The following PCCA variants were observed in gnomAD, a reference collection of about 807,000 sequenced individuals.
PCCA encodes the protein propionyl-CoA carboxylase subunit alpha.
A neutral mutation model predicts 101.3 loss-of-function variants in PCCA; 74 were observed. That is an observed-to-expected ratio of 0.73 (90% CI 0.61 to 0.89). The LOEUF (loss-of-function observed/expected upper bound fraction) is 0.89, where lower values mean the gene tolerates loss of function less well. PCCA is among the 40% of genes least tolerant of loss of function. The pLI is 0.00. For missense variants in PCCA, 891 were observed against 907.0 expected (o/e 0.98, Z 0.23); for synonymous variants, 294 against 313.6 (o/e 0.94, Z 0.66).
At chr13:100,132,657 C>T (rs1445523927) in intron 4 of PCCA, among the ~76,000 whole-genome samples, 3 of 152,052 alleles carry the variant, frequency 2.0e-5, no homozygotes, top group African/African-American at 7.2e-5. Flanking sequence ...GTATAAATAT[C>T]TAGGAGTGGG....
chr13:100,507,354 C>G (rs1364692165), intron 21 of PCCA, among the ~76,000 whole-genome samples: 3 of 152,200 alleles, frequency 2.0e-5, no homozygotes, highest in Non-Finnish European at 4.4e-5. Context: ...CATGGGCACA[C>G]CTGCACACAT....
At chr13:100,372,344 C>T (rs2075623979) in intron 19 of PCCA, among the ~76,000 whole-genome samples, 1 of 138,508 alleles carries the variant, frequency 7.2e-6, no homozygotes, top group African/African-American at 2.7e-5. Context: ...AGAGTGAGAC[C>T]CTGTCTCAAA....
chr13:100,184,826 A>G (rs997317858), intron 6 of PCCA, among the ~76,000 whole-genome samples: 1 of 152,226 alleles, frequency 6.6e-6, no homozygotes, highest in Non-Finnish European at 1.5e-5. Flanking sequence ...CTTAGCTCAT[A>G]GACTACAAAC....
chr13:100,411,726 T>C (rs138903631), intron 19 of PCCA, among the ~76,000 whole-genome samples: 1 of 152,310 alleles, frequency 6.6e-6, no homozygotes, highest in East Asian at 1.9e-4. Context: ...TGGCCATCTT[T>C]CTTGCTGTGT....
At position 100,322,384 on chromosome 13, in the gene PCCA, G is replaced by C. The variant is rs182421997; in HGVS notation, c.1430-8177G>C. 6.8e-4 allele frequency among the ~76,000 whole-genome samples: 104 copies of C among 152,176 alleles called. 1 individual carries two copies. The highest frequency in any genetic ancestry group is 2.4e-3 in the African/African-American group (98 of 41,510). ...TCTGTGTCTGGGTGTCTTTTGCTCA[G>C]CTAAAATTCTATTACTATGGAAAAA... On this transcript the variant is annotated intron_variant, in intron 16 of 23. Transcript: ENST00000376285.
chr13:100,448,682 TATAA>T (rs1194612692), intron 20 of PCCA, among the ~76,000 whole-genome samples: 32 of 152,260 alleles, frequency 2.1e-4, no homozygotes, highest in Admixed American at 2.0e-3. Context: ...AAATTTTATT[TATAA>T]ATAAATGAAT....
At chr13:100,464,607 T>G (rs1357004330) in intron 21 of PCCA, 3 of 152,208 alleles carry the variant, frequency 2.0e-5, no homozygotes, top group African/African-American at 7.2e-5. Context: ...TTGTTCCCTT[T>G]TATTTGAAAA....
At chr13:100,508,378 C>A (rs988736821) in intron 21 of PCCA, among the ~76,000 whole-genome samples, 1 of 152,206 alleles carries the variant, frequency 6.6e-6, no homozygotes, top group Non-Finnish European at 1.5e-5. Flanking sequence ...TGCCGTTGAG[C>A]CTCCTTGTGG....
intron 22 of PCCA, among the ~76,000 whole-genome samples, chr13:100,521,064 G>A (rs2087245651): frequency 6.6e-6 from 1 of 152,164 alleles, no homozygotes; most frequent in Non-Finnish European, 1.5e-5. Context: ...ATTTCCAAAG[G>A]TATTGTGAAT....
rs139950257 is a variant in PCCA at position 100,092,547 on chromosome 13, T to A, written c.105+3322T>A. 6.8e-4 allele frequency among the ~76,000 whole-genome samples: 104 copies of A among 152,288 alleles called. No homozygotes were observed. The Middle Eastern group carries it at 0.02, about 30-fold the overall frequency. ...ACAGGCACGTACGACCACACCTGGCTATTTTTTAATTTTAATTTTTATTTT... is the reference window on the plus strand; with the variant it reads ...ACAGGCACGTACGACCACACCTGGCAATTTTTTAATTTTAATTTTTATTTT... On this transcript the variant is annotated intron_variant, in intron 1 of 23. Transcript: ENST00000376285.
chr13:100,527,478 A>G, intron 22 of PCCA, 197 bp from the exon 23 acceptor site: 1 of 607,752 alleles, frequency 1.6e-6, no homozygotes, highest in Non-Finnish European at 3.0e-6. Flanking sequence ...TCCAACGAGG[A>G]CTTTATGAGA....
chr13:100,306,271 A>G (rs994004464), intron 14 of PCCA, among the ~76,000 whole-genome samples: 2 of 152,190 alleles, frequency 1.3e-5, no homozygotes, highest in African/African-American at 2.4e-5. Context: ...CCACCCCTTT[A>G]CAATGTTGGG....
rs79817081 is a variant in PCCA at position 100,357,437 on chromosome 13, G to T, written c.1644-11035G>T. The stretch of plus-strand genomic sequence containing the variant: ...GGGTAGCAATATCAAGTGTTCCTGG[G>T]CTACCACCTGGAAGGTGGAAGTAGT... On this transcript the variant is annotated intron_variant, in intron 18 of 23. Coordinates refer to ENST00000376285, the MANE Select transcript of PCCA (RefSeq NM_000282.4). Among the ~76,000 whole-genome samples, 590 of 152,284 alleles carry T rather than the reference G, an allele frequency of 3.9e-3. 2 individuals are homozygous for T. The highest frequency in any genetic ancestry group is 7.2e-3 in the Non-Finnish European group (489 of 68,022).
intron 16 of PCCA, among the ~76,000 whole-genome samples, chr13:100,327,386 T>C (rs1310162233): frequency 1.3e-5 from 2 of 152,268 alleles, no homozygotes; most frequent in African/African-American, 2.4e-5. Context: ...TTTATCCTTG[T>C]TATTTAATGT....
chr13:100,221,458 G>A (rs2059803498), intron 7 of PCCA, among the ~76,000 whole-genome samples: 1 of 152,106 alleles, frequency 6.6e-6, no homozygotes. Context: ...AGGTTATTTT[G>A]GTTATCTTCT....
intron 21 of PCCA, among the ~76,000 whole-genome samples, chr13:100,451,703 C>CCTCCCCT (rs2081246554): frequency 7.8e-6 from 1 of 128,508 alleles, no homozygotes; most frequent in African/African-American, 2.9e-5. Flanking sequence ...CTCTTCCCCT[C>CCTCCCCT]CTCTCCTCTC....
chr13:100,257,565 A>G (rs765790424), intron 8 of PCCA, 30 bp from the exon 9 acceptor site: 3 of 1,531,242 alleles, frequency 2.0e-6, no homozygotes, highest in Non-Finnish European at 2.7e-6. Context: ...TCAAAGTCTG[A>G]ACTTCTGTCT....
At chr13:100,523,626 T>C (rs1180123905) in intron 22 of PCCA, among the ~76,000 whole-genome samples, 1 of 152,180 alleles carries the variant, frequency 6.6e-6, no homozygotes, top group African/African-American at 2.4e-5. Flanking sequence ...GGCCGACTCC[T>C]GCTTAATGAG....
rs540121670 is a variant in PCCA at position 100,256,757 on chromosome 13, G to T, written c.638-838G>T. 6.8e-4 allele frequency among the ~76,000 whole-genome samples: 104 copies of T among 152,240 alleles called. 1 individual carries two copies. The highest frequency in any genetic ancestry group is 2.3e-3 in the African/African-American group (96 of 41,554). ...ACTGAGCTCTTTTTTCTTCAGAAAA[G>T]ATCATAAACAAATGGTCCCAAACAT... is the stretch of plus-strand genomic sequence containing the variant. On this transcript the variant is annotated intron_variant, in intron 8 of 23. Transcript: ENST00000376285.
Sources: allele counts gnomAD v4.1 joint callset (sites outside exome capture counted in the v4.1 genomes callset), GRCh38; gene constraint gnomAD v4.1.1; transcripts MANE v1.5; gene names NCBI Gene and HGNC (gene_info 2026-07-23, HGNC 2026-07-21).